EYS: variants seen among roughly 807,000 people sequenced by gnomAD.
EYS encodes EGF-like photoreceptor maintenance factor, also known as protein eyes shut homolog.
A neutral mutation model predicts 282.1 loss-of-function variants in EYS; 250 were observed. That is an observed-to-expected ratio of 0.89 (90% confidence interval 0.80 to 0.98). The LOEUF is 0.98. Among genes scored for constraint, EYS ranks in the 50% least tolerant of loss-of-function variants. The pLI is 0.00. For synonymous variants in EYS, 1,355 were observed against 1,282.9 expected (o/e 1.06, Z -1.20); for missense variants, 4,016 against 3,709.0 (o/e 1.08, Z -2.15).
At position 65,459,968 on chromosome 6, in the gene EYS, T is replaced by TTATATATATATATA. The variant is rs34762215; in HGVS notation, c.862+30612_862+30625dup. 5.0e-4 allele frequency among the ~76,000 whole-genome samples: 40 copies of TTATATATATATATA among 80,656 alleles called. 1 individual carries two copies. The highest frequency in any genetic ancestry group is 1.1e-3 in the East Asian group (3 of 2,784). The allele number at this position is 80,656 out of a possible 152,430, so 52.9% of individuals were successfully genotyped here. ...GTGTGTGTGTGTGTGTTTGTGTATT[T>TTATATATATATATA]TATATATATATATATATATATATAT... On this transcript the variant is annotated intron_variant, in intron 5 of 42. Coordinates refer to ENST00000503581, the MANE Select transcript of EYS (RefSeq NM_001142800.2).
At chr6:65,566,391 G>GA (rs370489495) in intron 2 of EYS, among the ~76,000 whole-genome samples, 34 of 146,446 alleles carry the variant, frequency 2.3e-4, no homozygotes, top group African/African-American at 6.3e-4. Context: ...ACAAGACCTC[G>GA]AAAAAAAAAA....
intron 19 of EYS, among the ~76,000 whole-genome samples, chr6:64,881,812 T>G (rs1258200657): frequency 6.6e-6 from 1 of 151,896 alleles, no homozygotes; most frequent in Non-Finnish European, 1.5e-5. Context: ...TCTGTAAGTT[T>G]TATTCCTTCT....
At chr6:64,544,352 G>T (rs866627467) in intron 26 of EYS, among the ~76,000 whole-genome samples, 2 of 152,170 alleles carry the variant, frequency 1.3e-5, no homozygotes, top group South Asian at 2.1e-4. Context: ...TCAGATCAAA[G>T]ATTTGGTTAA....
At chr6:65,470,970 C>T (rs533651955) in intron 5 of EYS, among the ~76,000 whole-genome samples, 2 of 152,000 alleles carry the variant, frequency 1.3e-5, no homozygotes, top group Admixed American at 6.6e-5. Flanking sequence ...AACCCTGTCT[C>T]TACTAACAAT....
At chr6:64,254,209 A>G (rs1422414235) in intron 30 of EYS, among the ~76,000 whole-genome samples, 1 of 152,056 alleles carries the variant, frequency 6.6e-6, no homozygotes, top group Non-Finnish European at 1.5e-5. Context: ...CACTCTCAAG[A>G]AAATTTTAAA....
rs542733935 is a variant in EYS, at chr6:64,586,064, T to C, written c.5644+4159A>G. 3.3e-5 allele frequency among the ~76,000 whole-genome samples: 5 copies of C among 152,238 alleles called. No individual in the cohort carries two copies. In the South Asian group the frequency reaches 1.0e-3, roughly 32 times the overall value. On this transcript the variant is annotated intron_variant, in intron 26 of 42. Transcript: ENST00000503581. ...TTGGATATTTGTGTCTACTCTAAAA[T>C]TCATGTTGAAGCTCAATCACCAGTG...
At chr6:63,870,083 T>A (rs1387908108) in intron 35 of EYS, among the ~76,000 whole-genome samples, 2 of 152,192 alleles carry the variant, frequency 1.3e-5, no homozygotes, top group Non-Finnish European at 2.9e-5. Context: ...GTAAATGCAG[T>A]GCTTATGAAG....
At chr6:65,504,385 G>T (rs1313729173) in intron 2 of EYS, among the ~76,000 whole-genome samples, 2 of 151,514 alleles carry the variant, frequency 1.3e-5, no homozygotes, top group Non-Finnish European at 3.0e-5. Context: ...TTATTAGTCT[G>T]CATATATTTT....
chr6:65,322,211 G>A lies in EYS; in HGVS notation c.1766+12769C>T, dbSNP rs1262546735. On this transcript the variant is annotated intron_variant, in intron 11 of 42. Transcript: ENST00000503581. ...ATATGCAAGATCTAATTATCCAGAC[G>A]TATCCACAGAGAGAGGAACCAGATG... is the stretch of plus-strand genomic sequence containing the variant. Among the ~76,000 whole-genome samples, 12 of 152,080 alleles carry A rather than the reference G, an allele frequency of 7.9e-5. 1 individual carries two copies. The highest frequency in any genetic ancestry group is 9.7e-5 in the African/African-American group (4 of 41,416).
chr6:64,372,706 C>T (rs1462838671), intron 29 of EYS, among the ~76,000 whole-genome samples: 1 of 152,188 alleles, frequency 6.6e-6, no homozygotes, highest in Non-Finnish European at 1.5e-5. Context: ...GGTCTCTTTA[C>T]ATAATCCCAT....
chr6:65,375,192 G>T (rs1484253455), intron 8 of EYS, among the ~76,000 whole-genome samples: 1 of 152,164 alleles, frequency 6.6e-6, no homozygotes, highest in African/African-American at 2.4e-5. Context: ...GAGGGAACAG[G>T]CAGCAATCTT....
chr6:64,620,283 G>T (rs1198498897), intron 23 of EYS, among the ~76,000 whole-genome samples: 2 of 152,116 alleles, frequency 1.3e-5, no homozygotes, highest in African/African-American at 2.4e-5. Context: ...ATCCAAGGAA[G>T]GTTGACCACC....
At chr6:65,530,521 C>A (rs1002300617) in intron 2 of EYS, among the ~76,000 whole-genome samples, 12 of 152,050 alleles carry the variant, frequency 7.9e-5, no homozygotes, top group Admixed American at 2.6e-4. Flanking sequence ...TGCTGGTGGA[C>A]CCCTGGCTTA....
chr6:65,400,797 A>G (rs1171950587), intron 7 of EYS, among the ~76,000 whole-genome samples: 2 of 151,828 alleles, frequency 1.3e-5, no homozygotes, highest in Non-Finnish European at 2.9e-5. Context: ...TCCTTTCCAC[A>G]TTTGACTCCT....
At chr6:64,516,065 T>TA (rs1777552853) in intron 26 of EYS, among the ~76,000 whole-genome samples, 1 of 151,782 alleles carries the variant, frequency 6.6e-6, no homozygotes, top group Admixed American at 6.6e-5. Context: ...ATACTTTCCA[T>TA]GTTGCTAAAT....
At chr6:63,920,174 A>G (rs1429996215) in intron 35 of EYS, among the ~76,000 whole-genome samples, 1 of 151,926 alleles carries the variant, frequency 6.6e-6, no homozygotes, top group Non-Finnish European at 1.5e-5. Context: ...TTTTAATAGA[A>G]TGCACTTTTA....
intron 22 of EYS, among the ~76,000 whole-genome samples, chr6:64,707,207 AATTGAAGACC>A (rs1368107827): frequency 2.0e-5 from 3 of 152,156 alleles, no homozygotes. Flanking sequence ...ATCTGAATAG[AATTGAAGACC>A]ATTATTTTAA....
chr6:65,507,520 T>C (rs907533186), intron 2 of EYS, among the ~76,000 whole-genome samples: 2 of 152,152 alleles, frequency 1.3e-5, no homozygotes, highest in Non-Finnish European at 2.9e-5. Context: ...CAAATATTTT[T>C]TCAGCTCTGT....
At chr6:64,151,271 A>G (rs1229663844) in intron 31 of EYS, among the ~76,000 whole-genome samples, 8 of 143,922 alleles carry the variant, frequency 5.6e-5, no homozygotes, top group African/African-American at 2.1e-4. Context: ...GTGAAAATAA[A>G]TTACAGTGGA....
Sources: gnomAD v4.1 joint callset for allele counts (sites outside exome capture counted in the v4.1 genomes callset) on GRCh38, gnomAD v4.1.1 for gene constraint, MANE v1.5 for transcripts, NCBI Gene and HGNC (gene_info 2026-07-23, HGNC 2026-07-21) for gene names.